Variants in CCDC149 observed in about 807,000 individuals in gnomAD.
The protein encoded by CCDC149 is coiled-coil domain-containing protein 149.
Under a neutral mutation model 59.9 loss-of-function variants are expected in CCDC149, and 45 were observed. The ratio of observed to expected loss-of-function variants is 0.75; its 90% CI spans 0.59 to 0.96. The LOEUF is 0.96. Among genes scored for constraint, CCDC149 ranks in the 40% least tolerant of loss-of-function variants. The probability of loss-of-function intolerance (pLI) is 0.00; values close to 1 mark genes in which losing one functional copy is unlikely to be tolerated. For synonymous variants in CCDC149, 245 were observed against 260.6 expected (o/e 0.94, Z 0.58); for missense variants, 584 against 664.7 (o/e 0.88, Z 1.33).
In CCDC149 at chr4:24,808,395, T is replaced by C; in HGVS notation, c.1617A>G (p.Lys539=). ...TGTCAGATCCCTCTCCCCTTCAGGTTTTCACGGTGCTCCTCATGCCTCCGC... is the reference window on the plus strand; with the variant it reads ...TGTCAGATCCCTCTCCCCTTCAGGTCTTCACGGTGCTCCTCATGCCTCCGC... The change falls in exon 13 of 13, where the codon AAA becomes AAG. Residue 539 remains lysine (K), a synonymous_variant. Coordinates refer to ENST00000635206, the MANE Select transcript of CCDC149 (RefSeq NM_001330643.2). The C allele has an allele frequency of 6.9e-7, 1 of 1,449,052 alleles. No homozygotes were observed. Among genetic ancestry groups the C allele is most frequent in the East Asian group, 2.5e-5 (1 of 39,830 alleles). The allele number at this position is 1,449,052 out of a possible 1,614,324, so 89.8% of individuals were successfully genotyped here. A position where few individuals can be genotyped will look rare whatever the true frequency, so the allele number is the denominator to read the frequency against.
At chr4:24,846,027 G>A (rs971403222) in intron 4 of CCDC149, among the ~76,000 whole-genome samples, 7 of 152,238 alleles carry the variant, frequency 4.6e-5, no homozygotes, top group Non-Finnish European at 1.0e-4. Flanking sequence ...ACTAGGAAGT[G>A]TAATTATGTC....
At chr4:24,906,264 T>C (rs1313696342) in intron 1 of CCDC149, among the ~76,000 whole-genome samples, 1 of 152,142 alleles carries the variant, frequency 6.6e-6, no homozygotes, top group East Asian at 1.9e-4. Context: ...TGTTGTGACA[T>C]GCTGTGTGTG....
At position 24,837,160 on chromosome 4, in the gene CCDC149, C is replaced by T. The variant is rs1356127567; in HGVS notation, c.662+68G>A. Reference sequence around the variant, plus strand: ...CCAAAATAAATAGGGCTGCAAATAACTCCCAGCCTGCAGGCCTGTGCAGAG... The same window carrying T: ...CCAAAATAAATAGGGCTGCAAATAATTCCCAGCCTGCAGGCCTGTGCAGAG... On this transcript the variant is annotated intron_variant, in intron 6 of 12. Transcript: ENST00000635206. This position sits in a 1 kb window ranked among gnomAD's most constrained non-coding sequence, Gnocchi z 4.3. 5.5e-6 allele frequency: 8 copies of T among 1,454,224 alleles called. No individual in the cohort carries two copies. The highest frequency in any genetic ancestry group is 4.2e-4 in the Middle Eastern group (2 of 4,716). The allele number at this position is 1,454,224 out of a possible 1,614,324, so 90.1% of individuals were successfully genotyped here. A position where few individuals can be genotyped will look rare whatever the true frequency, so the allele number is the denominator to read the frequency against.
intron 1 of CCDC149, among the ~76,000 whole-genome samples, chr4:24,887,094 C>T (rs1720227558): frequency 6.6e-6 from 1 of 152,126 alleles, no homozygotes; most frequent in African/African-American, 2.4e-5. Context: ...GCTCATCATC[C>T]TAAAAGCCCA....
intron 3 of CCDC149, among the ~76,000 whole-genome samples, chr4:24,859,767 A>G (rs964198639): frequency 6.6e-6 from 1 of 152,236 alleles, no homozygotes; most frequent in Non-Finnish European, 1.5e-5. Context: ...TACAAAATCA[A>G]TGTACACAAA....
intron 7 of CCDC149, among the ~76,000 whole-genome samples, chr4:24,835,978 A>G (rs73101597): frequency 0.014 from 2,083 of 152,348 alleles, 52 homozygotes; most frequent in African/African-American, 0.047. Flanking sequence ...GCAGGGTGAC[A>G]TGAACATGAT....
intron 9 of CCDC149, 78 bp from the exon 10 acceptor site, chr4:24,822,651 C>T (rs1298986140): frequency 1.0e-6 from 1 of 979,738 alleles, no homozygotes; most frequent in African/African-American, 1.7e-5. Flanking sequence ...CACTGGTGCC[C>T]TAGTAGAAAA....
intron 1 of CCDC149, among the ~76,000 whole-genome samples, chr4:24,928,259 G>A (rs1054919839): frequency 3.9e-5 from 6 of 152,090 alleles, no homozygotes; most frequent in East Asian, 1.9e-4. Flanking sequence ...CAACATGCTC[G>A]GTATTTTTCT....
chr4:24,812,936 C>T (rs1447494474), intron 12 of CCDC149, among the ~76,000 whole-genome samples: 1 of 152,226 alleles, frequency 6.6e-6, no homozygotes, highest in East Asian at 1.9e-4. Context: ...GAGATGATTA[C>T]CATTTAAGGT....
intron 1 of CCDC149, among the ~76,000 whole-genome samples, chr4:24,919,085 T>G (rs1722212926): frequency 6.6e-6 from 1 of 152,198 alleles, no homozygotes. Context: ...TATCCACATA[T>G]GACACAATGG....
At chr4:24,881,908 C>T (rs7665211) in intron 1 of CCDC149, among the ~76,000 whole-genome samples, 2 of 151,964 alleles carry the variant, frequency 1.3e-5, no homozygotes, top group Non-Finnish European at 2.9e-5. Flanking sequence ...CAAGGGATTG[C>T]GAAGCCAGAA....
chr4:24,969,406 G>T (rs905168461), intron 1 of CCDC149, among the ~76,000 whole-genome samples: 8 of 152,176 alleles, frequency 5.3e-5, no homozygotes, highest in African/African-American at 1.7e-4. Flanking sequence ...CATTGAGAGT[G>T]ATAGGGGAAC....
chr4:24,952,606 A>G (rs1430946319), intron 1 of CCDC149, among the ~76,000 whole-genome samples: 17 of 30,922 alleles, frequency 5.5e-4, no homozygotes, highest in South Asian at 1.3e-3. Context: ...AAAAAAAAAA[A>G]AAAAAAAAAA....
chr4:24,978,265 C>CT (rs1294083040), intron 1 of CCDC149, among the ~76,000 whole-genome samples: 2 of 152,170 alleles, frequency 1.3e-5, no homozygotes, highest in Non-Finnish European at 2.9e-5. Flanking sequence ...CACACATCAG[C>CT]TTTCACAGAC....
chr4:24,941,006 G>A (rs530318664), intron 1 of CCDC149, among the ~76,000 whole-genome samples: 12 of 152,216 alleles, frequency 7.9e-5, no homozygotes, highest in South Asian at 4.1e-4. Flanking sequence ...AAGTTAAGAC[G>A]GATATCCAGG....
chr4:24,963,819 A>T (rs73105521), intron 1 of CCDC149, among the ~76,000 whole-genome samples: 4,344 of 152,346 alleles, frequency 0.029, 147 homozygotes, highest in African/African-American at 0.08. Context: ...ATTACAGTTT[A>T]TCTTGAAACA....
intron 4 of CCDC149, among the ~76,000 whole-genome samples, chr4:24,843,411 C>A (rs1717059559): frequency 6.6e-6 from 1 of 152,052 alleles, no homozygotes; most frequent in African/African-American, 2.4e-5. Flanking sequence ...AAAACAAGAC[C>A]CTGCCTATTA....
rs1723314735 is a variant in CCDC149, at chr4:24,952,346, T to C, written c.-65+27723A>G. Among the ~76,000 whole-genome samples, 5 of 151,942 alleles carry C rather than the reference T, an allele frequency of 3.3e-5. No individual in the cohort carries two copies. The South Asian group carries it at 1.0e-3, about 32-fold the overall frequency. ...GTGGCTCATCCCTGTAATCCCAGCA[T>C]TTTGGGATGCCAAGGCAGGAGGATC... On this transcript the variant is annotated intron_variant, in intron 1 of 12. Transcript: ENST00000389609.
intron 4 of CCDC149, among the ~76,000 whole-genome samples, chr4:24,849,825 C>T (rs1717541519): frequency 1.3e-5 from 2 of 152,144 alleles, no homozygotes; most frequent in Non-Finnish European, 1.5e-5. Context: ...AAAATGACGC[C>T]ATCAGCCCTG....
Sources: allele counts gnomAD v4.1 joint callset (sites outside exome capture counted in the v4.1 genomes callset), GRCh38; gene constraint gnomAD v4.1.1; non-coding constraint Gnocchi (gnomAD v3.1); transcripts MANE v1.5; gene names NCBI Gene and HGNC (gene_info 2026-07-23, HGNC 2026-07-21).